The following TMTC1 variants were observed in gnomAD, a reference collection of about 807,000 sequenced individuals.
TMTC1 encodes protein O-mannosyl-transferase TMTC1.
In TMTC1, 73 loss-of-function variants were observed where a neutral mutation model predicts 104.8. The ratio of observed to expected loss-of-function variants is 0.70; its 90% CI spans 0.58 to 0.85. The LOEUF (loss-of-function observed/expected upper bound fraction) is 0.85, where lower values mean the gene tolerates loss of function less well. Among genes scored for constraint, TMTC1 ranks in the 40% least tolerant of loss-of-function variants. TMTC1 has a pLI of 0.00. For missense variants in TMTC1, 1,035 were observed against 1,096.1 expected (o/e 0.94, Z 0.79); for synonymous variants, 434 against 428.7 (o/e 1.01, Z -0.15).
intron 7 of TMTC1, among the ~76,000 whole-genome samples, chr12:29,585,273 TTTTTGATGGGGTTG>T (rs1361108625): frequency 1.3e-5 from 2 of 152,178 alleles, no homozygotes; most frequent in Non-Finnish European, 2.9e-5. Flanking sequence ...CTTTGCCCAC[TTTTTGATGGGGTTG>T]TTTGTTTTTT....
chr12:29,643,978 T>TATATAAATATATAATTTATATATAA (rs1448394596), intron 5 of TMTC1, among the ~76,000 whole-genome samples: 2 of 106,104 alleles, frequency 1.9e-5, no homozygotes, highest in Non-Finnish European at 3.6e-5. Flanking sequence ...CATATAAATA[T>TATATAAATATATAATTTATATATAA]ATATAAATAT....
rs1943897740 is a variant in TMTC1 at position 29,783,832 on chromosome 12, C to A, written c.-81G>T. ...CTACCGGGGCCCCGGCGGCGCGCGG[C>A]GTCTGCCCGGAGGGGGGCTCGGGCA... On this transcript the variant is annotated 5_prime_UTR_variant, in exon 1 of 18. Transcript: ENST00000539277. This position sits in a 1 kb window ranked among gnomAD's most constrained non-coding sequence, Gnocchi z 4.7. 1 of 1,082,684 alleles carries A rather than the reference C, an allele frequency of 9.2e-7. No individual in the cohort carries two copies. Among genetic ancestry groups the A allele is most frequent in the Non-Finnish European group, 1.1e-6 (1 of 892,920 alleles). 67.1% of individuals were successfully genotyped at this position (1,082,684 alleles called of 1,614,324 possible). A position where few individuals can be genotyped will look rare whatever the true frequency, so the allele number is the denominator to read the frequency against.
At chr12:29,526,196 T>C (rs1944339025) in intron 11 of TMTC1, among the ~76,000 whole-genome samples, 1 of 152,230 alleles carries the variant, frequency 6.6e-6, no homozygotes, top group Non-Finnish European at 1.5e-5. Context: ...TTTAAAAATG[T>C]AACCTGGATC....
At chr12:29,673,677 T>C (rs1940604091) in intron 5 of TMTC1, among the ~76,000 whole-genome samples, 1 of 151,192 alleles carries the variant, frequency 6.6e-6, no homozygotes, top group Non-Finnish European at 1.5e-5. Context: ...AAGATAATTT[T>C]ATAACATTGC....
chr12:29,563,482 T>C (rs767429633), intron 9 of TMTC1, among the ~76,000 whole-genome samples: 1 of 151,478 alleles, frequency 6.6e-6, no homozygotes, highest in African/African-American at 2.4e-5. Flanking sequence ...TCATGAGGAG[T>C]GGGGAGGAGA....
At chr12:29,628,204 A>C (rs1413893867) in intron 6 of TMTC1, among the ~76,000 whole-genome samples, 1 of 152,160 alleles carries the variant, frequency 6.6e-6, no homozygotes, top group Non-Finnish European at 1.5e-5. Flanking sequence ...TCTCAACTTA[A>C]TTAGTGAACA....
chr12:29,608,009 T>C (rs1370847952), intron 6 of TMTC1, among the ~76,000 whole-genome samples: 1 of 152,188 alleles, frequency 6.6e-6, no homozygotes, highest in Non-Finnish European at 1.5e-5. Context: ...TTATTTCATT[T>C]TGAGAAAATT....
intron 5 of TMTC1, among the ~76,000 whole-genome samples, chr12:29,665,376 C>G (rs1940236182): frequency 6.6e-6 from 1 of 152,160 alleles, no homozygotes; most frequent in African/African-American, 2.4e-5. Context: ...ATAGTAAATT[C>G]CCTAATCTAC....
intron 16 of TMTC1, among the ~76,000 whole-genome samples, chr12:29,513,084 A>G (rs1187439038): frequency 6.6e-6 from 1 of 152,220 alleles, no homozygotes; most frequent in Non-Finnish European, 1.5e-5. Context: ...ATTAATTTAT[A>G]TCAGTGAAGA....
intron 11 of TMTC1, among the ~76,000 whole-genome samples, chr12:29,522,345 A>G (rs141426609): frequency 1.3e-5 from 2 of 152,332 alleles, no homozygotes; most frequent in African/African-American, 4.8e-5. Context: ...CATTTAAGTA[A>G]CATTAGGGAA....
At chr12:29,656,319 G>GAT (rs71045824) in intron 5 of TMTC1, among the ~76,000 whole-genome samples, 16,562 of 139,018 alleles carry the variant, frequency 0.12, 1,366 homozygotes, top group African/African-American at 0.25. Context: ...AATTTCCCTG[G>GAT]ATATATATAT....
At chr12:29,521,828 A>G (rs560212952) in intron 11 of TMTC1, among the ~76,000 whole-genome samples, 1 of 152,096 alleles carries the variant, frequency 6.6e-6, no homozygotes, top group Non-Finnish European at 1.5e-5. Context: ...TTGGCCTACC[A>G]AAGTGCTGGG....
intron 5 of TMTC1, among the ~76,000 whole-genome samples, chr12:29,655,846 T>C (rs1168556197): frequency 6.6e-6 from 1 of 152,110 alleles, no homozygotes; most frequent in Non-Finnish European, 1.5e-5. Flanking sequence ...TAACAGCTAC[T>C]AAATGGGGAA....
At chr12:29,712,892 G>C (rs1008543233) in intron 5 of TMTC1, among the ~76,000 whole-genome samples, 2 of 152,116 alleles carry the variant, frequency 1.3e-5, no homozygotes, top group East Asian at 1.9e-4. Context: ...TATCCATTGC[G>C]ATAGTTAATT....
intron 5 of TMTC1, among the ~76,000 whole-genome samples, chr12:29,742,036 AC>A (rs957869051): frequency 4.6e-5 from 7 of 151,878 alleles, no homozygotes; most frequent in African/African-American, 1.5e-4. Context: ...ACAAAATCAC[AC>A]TCCTTTCATA....
In TMTC1 at chr12:29,692,782, C is replaced by A. The variant is rs958721808; in HGVS notation, c.938+58884G>T. Among the ~76,000 whole-genome samples, 3 of 144,958 alleles carry A rather than the reference C, an allele frequency of 2.1e-5. 1 individual carries two copies. Among genetic ancestry groups the A allele is most frequent in the Non-Finnish European group, 4.5e-5 (3 of 66,172 alleles). On this transcript the variant is annotated intron_variant, in intron 5 of 17. Transcript: ENST00000539277. ...AATGGATAAACAAAACATTTATAAA[C>A]AAAATACAAGTGAACACGATTCAGC...
chr12:29,581,895 G>A (rs1304892977), intron 8 of TMTC1, among the ~76,000 whole-genome samples: 3 of 152,096 alleles, frequency 2.0e-5, no homozygotes, highest in South Asian at 2.1e-4. Context: ...GTTGTGGTCT[G>A]TGAGAATCGT....
At chr12:29,700,227 C>CTT (rs887342425) in intron 5 of TMTC1, among the ~76,000 whole-genome samples, 4 of 138,844 alleles carry the variant, frequency 2.9e-5, no homozygotes, top group African/African-American at 1.1e-4. Flanking sequence ...TTTTGTTTTT[C>CTT]TTTTTTTTTT....
chr12:29,766,662 G>A (rs1427813459), intron 2 of TMTC1, among the ~76,000 whole-genome samples: 1 of 152,162 alleles, frequency 6.6e-6, no homozygotes, highest in African/African-American at 2.4e-5. Flanking sequence ...GAGGGCAACT[G>A]AGAAATGGAG....
Sources: gnomAD v4.1 joint callset for allele counts (sites outside exome capture counted in the v4.1 genomes callset) on GRCh38, gnomAD v4.1.1 for gene constraint, Gnocchi (gnomAD v3.1) non-coding constraint, MANE v1.5 for transcripts, NCBI Gene and HGNC (gene_info 2026-07-23, HGNC 2026-07-21) for gene names.